The following OPRD1 variants were observed in gnomAD, a reference collection of about 807,000 sequenced individuals.
OPRD1 encodes opioid receptor delta 1.
A neutral mutation model predicts 17.5 loss-of-function variants in OPRD1; 19 were observed. The ratio of observed to expected loss-of-function variants is 1.09; its 90% CI spans 0.76 to 1.60. OPRD1 has a LOEUF of 1.60. Among genes scored for constraint, OPRD1 ranks in the 40% most tolerant of loss-of-function variants. The pLI, the probability that OPRD1 is intolerant of heterozygous loss-of-function variation, is 0.00. For synonymous variants in OPRD1, 256 were observed against 240.9 expected (o/e 1.06, Z -0.58); for missense variants, 483 against 547.2 (o/e 0.88, Z 1.17).
At chr1:28,835,385 G>A (rs1381349041) in intron 1 of OPRD1, among the ~76,000 whole-genome samples, 1 of 152,212 alleles carries the variant, frequency 6.6e-6, no homozygotes, top group African/African-American at 2.4e-5. Flanking sequence ...CTGGGGCCTG[G>A]ATTTCTCTGT....
At chr1:28,833,771 A>G (rs2124270291) in intron 1 of OPRD1, among the ~76,000 whole-genome samples, 1 of 152,018 alleles carries the variant, frequency 6.6e-6, no homozygotes, top group African/African-American at 2.4e-5. Flanking sequence ...AGTTTCCCTG[A>G]CTCTCTGATC....
chr1:28,845,208 G>T (rs2088929220), intron 1 of OPRD1, among the ~76,000 whole-genome samples: 1 of 152,034 alleles, frequency 6.6e-6, no homozygotes, highest in Admixed American at 6.6e-5. Flanking sequence ...CTGGGGCCAG[G>T]CACGGTGGCT....
At chr1:28,846,704 A>AAG (rs61567872) in intron 1 of OPRD1, among the ~76,000 whole-genome samples, 23 of 140,618 alleles carry the variant, frequency 1.6e-4, no homozygotes, top group African/African-American at 5.6e-4. Flanking sequence ...AAAAAAAAAA[A>AAG]AGAGAGAGAG....
intron 1 of OPRD1, among the ~76,000 whole-genome samples, chr1:28,836,917 A>G (rs1327256606): frequency 6.6e-6 from 1 of 152,192 alleles, no homozygotes; most frequent in African/African-American, 2.4e-5. Flanking sequence ...CAAGTTTTCC[A>G]TCGATGGGGG....
rs556426842 is a variant in OPRD1 at position 28,839,316 on chromosome 1, C to A, written c.228-19638C>A. On this transcript the variant is annotated intron_variant, in intron 1 of 2. Transcript: ENST00000234961. ...CTTCACACGGCCCTCTCCTCTCCTCCCTGTGTGTCTCTTACAAGGACACTT... is the reference window on the plus strand; with the variant it reads ...CTTCACACGGCCCTCTCCTCTCCTCACTGTGTGTCTCTTACAAGGACACTT... Among the ~76,000 whole-genome samples, 18 of 152,264 alleles carry A rather than the reference C, an allele frequency of 1.2e-4. No homozygotes were observed. In the South Asian group the frequency reaches 3.7e-3, roughly 32 times the overall value.
chr1:28,851,203 TAG>T (rs2089000095), intron 1 of OPRD1, among the ~76,000 whole-genome samples: 1 of 152,060 alleles, frequency 6.6e-6, no homozygotes, highest in Non-Finnish European at 1.5e-5. Flanking sequence ...GTTATGCAGG[TAG>T]AGAGGACAGA....
chr1:28,849,257 A>G (rs2088978655), intron 1 of OPRD1, among the ~76,000 whole-genome samples: 1 of 151,776 alleles, frequency 6.6e-6, no homozygotes, highest in Non-Finnish European at 1.5e-5. Flanking sequence ...TTTTTTTTTA[A>G]TGGGGAGATG....
chr1:28,861,951 G>A (rs557993444), intron 2 of OPRD1, among the ~76,000 whole-genome samples: 13 of 141,600 alleles, frequency 9.2e-5, no homozygotes, highest in East Asian at 6.3e-4. Context: ...TCGCTCTGTC[G>A]CCCAGGCTGG....
intron 1 of OPRD1, among the ~76,000 whole-genome samples, chr1:28,830,682 T>C (rs903826044): frequency 3.1e-4 from 47 of 152,238 alleles, no homozygotes; most frequent in African/African-American, 1.1e-3. Context: ...AACTTGCTCA[T>C]AGCAGGGTTG....
Position 28,869,245 on chromosome 1 carries a change from T to G in OPRD1, c.*5962T>G, listed in dbSNP as rs204066. 0.094 allele frequency: 14,373 copies of G among 152,496 alleles called. 756 individuals are homozygous for G. Among genetic ancestry groups the G allele is most frequent in the South Asian group, 0.14 (697 of 4,824 alleles). The allele number at this position is 152,496 out of a possible 1,614,324, so 9.4% of individuals were successfully genotyped here. A position where few individuals can be genotyped will look rare whatever the true frequency, so the allele number is the denominator to read the frequency against. On this transcript the variant is annotated 3_prime_UTR_variant, in exon 3 of 3. Coordinates refer to ENST00000234961, the MANE Select transcript of OPRD1 (RefSeq NM_000911.4). ...GGACCTGGCCGCCCCACGCTGAGCT[T>G]GCAGATATTGAGAGTTGGGTGACAG...
chr1:28,866,205 G>A lies in OPRD1; in HGVS notation c.*2922G>A, dbSNP rs1388456220. 6.6e-6 allele frequency: 1 copy of A among 152,258 alleles called. No individual in the cohort carries two copies. The highest frequency in any genetic ancestry group is 1.5e-5 in the Non-Finnish European group (1 of 68,050). 9.4% of individuals were successfully genotyped at this position (152,258 alleles called of 1,614,324 possible). The stretch of plus-strand genomic sequence containing the variant: ...ACAGATGATTGCACCTCAGTGTGAT[G>A]AGTGCGGTGACAGGGAGCCCCAGGG... On this transcript the variant is annotated 3_prime_UTR_variant, in exon 3 of 3. Transcript: ENST00000234961.
At chr1:28,813,676 G>A (rs1167431487) in intron 1 of OPRD1, among the ~76,000 whole-genome samples, 3 of 152,166 alleles carry the variant, frequency 2.0e-5, no homozygotes, top group East Asian at 1.9e-4. Context: ...CAACAAAGAT[G>A]CCCTCGTATT....
intron 1 of OPRD1, among the ~76,000 whole-genome samples, chr1:28,841,426 C>T (rs1399714175): frequency 1.3e-5 from 2 of 152,230 alleles, no homozygotes; most frequent in African/African-American, 4.8e-5. Flanking sequence ...TGAGCTTAGG[C>T]TCTGGAAACC....
At chr1:28,827,866 A>T (rs1396088507) in intron 1 of OPRD1, among the ~76,000 whole-genome samples, 1 of 152,032 alleles carries the variant, frequency 6.6e-6, no homozygotes, top group Non-Finnish European at 1.5e-5. Flanking sequence ...CTGGGACTAC[A>T]TGTGTGTGCC....
rs1379565977 is a variant in OPRD1 at position 28,863,230 on chromosome 1, C to T, written c.1066C>T (p.Arg356Cys). 6.4e-7 allele frequency: 1 copy of T among 1,563,502 alleles called. No individual in the cohort carries two copies. The highest frequency in any genetic ancestry group is 8.6e-7 in the Non-Finnish European group (1 of 1,162,536). The change falls in exon 3 of 3, where the codon CGT becomes TGT. Residue 356 changes from arginine to cysteine, a missense_variant. Transcript: ENST00000234961. The stretch of plus-strand genomic sequence containing the variant: ...CGCCCGCGAAGCCACGGCCCGCGAG[C>T]GTGTCACCGCCTGCACCCCGTCCGA... ...SRAREATARE[R>C]VTACTPSDGP...
intron 1 of OPRD1, among the ~76,000 whole-genome samples, chr1:28,835,783 G>GGTA (rs2088846616): frequency 6.6e-6 from 1 of 152,204 alleles, no homozygotes; most frequent in African/African-American, 2.4e-5. Flanking sequence ...ATTGGGTGGT[G>GGTA]GTTAGGAGTG....
chr1:28,826,411 C>G (rs1297571716), intron 1 of OPRD1, among the ~76,000 whole-genome samples: 1 of 151,860 alleles, frequency 6.6e-6, no homozygotes, highest in Non-Finnish European at 1.5e-5. Flanking sequence ...GTAGTCCCAG[C>G]TACTCGGGAG....
chr1:28,816,831 G>A (rs1299560272), intron 1 of OPRD1, among the ~76,000 whole-genome samples: 2 of 152,054 alleles, frequency 1.3e-5, no homozygotes, highest in Non-Finnish European at 2.9e-5. Context: ...CTTCCCATGG[G>A]CAGCCCACTG....
At chr1:28,821,826 G>C (rs1343015298) in intron 1 of OPRD1, among the ~76,000 whole-genome samples, 1 of 152,154 alleles carries the variant, frequency 6.6e-6, no homozygotes, top group Admixed American at 6.5e-5. Context: ...GATCACTTGA[G>C]CCCAGGAATT....
Sources: gnomAD v4.1 joint callset for allele counts (sites outside exome capture counted in the v4.1 genomes callset) on GRCh38, gnomAD v4.1.1 for gene constraint, MANE v1.5 for transcripts, NCBI Gene and HGNC (gene_info 2026-07-23, HGNC 2026-07-21) for gene names.